Variants in CIP2A observed in about 807,000 individuals in gnomAD.
CIP2A encodes protein CIP2A.
CIP2A carries 103 observed loss-of-function variants against 110.9 expected under a neutral mutation model. The ratio of observed to expected loss-of-function variants is 0.93; its 90% confidence interval spans 0.79 to 1.09. The LOEUF (loss-of-function observed/expected upper bound fraction) is 1.09, where lower values mean the gene tolerates loss of function less well. Among genes scored for constraint, CIP2A ranks in the 50% least tolerant of loss-of-function variants. The pLI, the probability that CIP2A is intolerant of heterozygous loss-of-function variation, is 0.00. For missense variants in CIP2A, 1,088 were observed against 1,038.4 expected, an observed-to-expected ratio of 1.05 and a Z score of -0.66; for synonymous variants, 381 against 361.6, an observed-to-expected ratio of 1.05 and a Z score of -0.61.
intron 2 of CIP2A, among the ~76,000 whole-genome samples, chr3:108,583,638 G>A (rs1333321897): frequency 6.6e-6 from 1 of 152,062 alleles, no homozygotes; most frequent in African/African-American, 2.4e-5. Context: ...CCGTTAGTGG[G>A]GGAGATGAAG....
chr3:108,569,484 G>T lies in CIP2A; in HGVS notation c.1018C>A (p.Pro340Thr). Residue 340 changes from proline to threonine, a missense_variant, in exon 9 of 21, where the codon CCT becomes ACT. By Grantham distance (38) the Pro-to-Thr change is conservative. Transcript: ENST00000295746. ...AACCAGCGCAGTAGAGCCACAGTAGGTTCTAAACATTTAGTATGGCTTCCC... is the reference window on the plus strand; with the variant it reads ...AACCAGCGCAGTAGAGCCACAGTAGTTTCTAAACATTTAGTATGGCTTCCC... ...TLGSHTKCLE[P>T]TVALLRWLSQ... 1.2e-6 allele frequency: 2 copies of T among 1,612,786 alleles called. No individual in the cohort carries two copies. Among genetic ancestry groups the T allele is most frequent in the Non-Finnish European group, 1.7e-6 (2 of 1,179,316 alleles).
chr3:108,586,348 C>CA (rs199861836), intron 1 of CIP2A, among the ~76,000 whole-genome samples: 5,532 of 152,192 alleles, frequency 0.036, 331 homozygotes, highest in African/African-American at 0.12. Context: ...ATACTGTGGG[C>CA]ATTACCCTGT....
At position 108,552,369 on chromosome 3, in the gene CIP2A, C is replaced by T; in HGVS notation, c.2412G>A (p.Leu804=). 1 of 1,516,902 alleles carries T rather than the reference C, an allele frequency of 6.6e-7. No individual in the cohort carries two copies. The highest frequency in any genetic ancestry group is 8.9e-7 in the Non-Finnish European group (1 of 1,126,342). 94.0% of individuals were successfully genotyped at this position (1,516,902 alleles called of 1,614,324 possible). A position where few individuals can be genotyped will look rare whatever the true frequency, so the allele number is the denominator to read the frequency against. The stretch of plus-strand genomic sequence containing the variant: ...CTTCTTGTACTTTTGTTTTTTGATG[C>T]AAATCTTAAAAGAAAAAAAAGTCAA... The part of the protein sequence containing the change: ...LVDREHKLAN[L]HQKTKVQEEK... Residue 804 remains leucine, a synonymous_variant, in exon 20 of 21, where the codon TTG becomes TTA. Transcript: ENST00000295746.
At chr3:108,560,524 T>A (rs1937969286) in intron 14 of CIP2A, 125 bp downstream of exon 14, 1 of 633,414 alleles carries the variant, frequency 1.6e-6, no homozygotes, top group African/African-American at 1.9e-5. Context: ...TCCAGAATAT[T>A]GTTATTTCTT....
intron 1 of CIP2A, among the ~76,000 whole-genome samples, chr3:108,588,012 A>G (rs968329814): frequency 2.6e-5 from 4 of 152,150 alleles, no homozygotes; most frequent in African/African-American, 7.2e-5. Flanking sequence ...TCCCGACCTC[A>G]GGTGATCCGC....
intron 19 of CIP2A, 95 bp downstream of exon 19, chr3:108,553,553 C>A: frequency 7.4e-6 from 8 of 1,075,862 alleles, no homozygotes; most frequent in East Asian, 2.8e-5. Context: ...AAGTTTAAAA[C>A]AATAAGTAGA....
intron 17 of CIP2A, 99 bp from the exon 18 acceptor site, chr3:108,554,588 A>C: frequency 3.4e-6 from 2 of 585,996 alleles, no homozygotes; most frequent in East Asian, 6.0e-5. Flanking sequence ...TTCTAACCAA[A>C]TTGCATATGC....
chr3:108,567,793 C>T (rs764170506), intron 10 of CIP2A, among the ~76,000 whole-genome samples: 9 of 151,718 alleles, frequency 5.9e-5, no homozygotes, highest in East Asian at 1.9e-4. Flanking sequence ...ACTGATCGTC[C>T]GTCCAGGGGA....
intron 8 of CIP2A, among the ~76,000 whole-genome samples, chr3:108,571,290 AAT>A (rs1237363479): frequency 2.0e-5 from 3 of 152,196 alleles, no homozygotes; most frequent in African/African-American, 4.8e-5. Context: ...ATACAATCTT[AAT>A]ATGTGTTATA....
chr3:108,579,655 T>C lies in CIP2A; in HGVS notation c.583A>G (p.Thr195Ala), dbSNP rs1332866582. 1.3e-6 allele frequency: 2 copies of C among 1,588,354 alleles called. No individual in the cohort carries two copies. The highest frequency in any genetic ancestry group is 2.7e-5 in the African/African-American group (2 of 73,702). ...NVKSFYRTLI[T>A]LLAHSSLTVV... Reference sequence around the variant, plus strand: ...GTTAAACTACTATGGGCCAACAAGGTGATAAGAGTTCGATAAAAAGATTTC... The same window carrying C: ...GTTAAACTACTATGGGCCAACAAGGCGATAAGAGTTCGATAAAAAGATTTC... The change falls in exon 6 of 21, where the codon ACC (threonine) becomes GCC (alanine). Residue 195 changes from threonine to alanine, a missense_variant. Coordinates refer to ENST00000295746, the MANE Select transcript of CIP2A (RefSeq NM_020890.3).
intron 12 of CIP2A, among the ~76,000 whole-genome samples, chr3:108,565,021 C>A (rs1395674927): frequency 1.3e-5 from 2 of 151,732 alleles, no homozygotes; most frequent in East Asian, 3.9e-4. Context: ...AACAAAAACC[C>A]TAAAACAAAT....
intron 16 of CIP2A, among the ~76,000 whole-genome samples, chr3:108,559,257 GTTC>G (rs1050069400): frequency 2.5e-4 from 38 of 152,230 alleles, no homozygotes; most frequent in African/African-American, 9.1e-4. Flanking sequence ...GATTTCCAGG[GTTC>G]TTATTTGTAG....
chr3:108,576,236 TA>T (rs2107357226), intron 8 of CIP2A, 34 bp downstream of exon 8: 1 of 1,378,238 alleles, frequency 7.3e-7, no homozygotes, highest in East Asian at 2.5e-5. Flanking sequence ...TTGCAGTTTT[TA>T]AAAGTTTAAA....
intron 7 of CIP2A, among the ~76,000 whole-genome samples, chr3:108,578,695 A>G (rs1358191472): frequency 6.6e-6 from 1 of 152,198 alleles, no homozygotes; most frequent in African/African-American, 2.4e-5. Context: ...TTTAAGTTAG[A>G]ATGCACAAAG....
At chr3:108,559,902 G>A (rs1179198075) in intron 15 of CIP2A, 35 bp from the exon 16 acceptor site, 1 of 1,579,234 alleles carries the variant, frequency 6.3e-7, no homozygotes, top group Non-Finnish European at 8.7e-7. Context: ...TTCATTTTAG[G>A]AATACATCTA....
rs199536917 is a variant in CIP2A at position 108,563,237 on chromosome 3, C to T, written c.1523G>A (p.Arg508His). The T allele has an allele frequency of 6.4e-5, 103 of 1,600,664 alleles. No individual in the cohort carries two copies. Among genetic ancestry groups the T allele is most frequent in the South Asian group, 2.9e-4 (26 of 90,712 alleles). ...AGCAAAAGCCAAAGGAGTAATCAAACGTGGGTCCTAAATAAATCAGAAACC... is the reference window on the plus strand; with the variant it reads ...AGCAAAAGCCAAAGGAGTAATCAAATGTGGGTCCTAAATAAATCAGAAACC... ...VSFYKILQDP[R>H]LITPLAFALT... The change falls in exon 13 of 21, where the codon CGT becomes CAT. Residue 508 changes from arginine to histidine, a missense_variant. Transcript: ENST00000295746.
At chr3:108,559,145 T>C (rs1937912226) in intron 16 of CIP2A, among the ~76,000 whole-genome samples, 1 of 152,092 alleles carries the variant, frequency 6.6e-6, no homozygotes, top group Non-Finnish European at 1.5e-5. Context: ...GGATCCAGCC[T>C]ATAACAAATA....
chr3:108,577,870 G>T (rs777828491), intron 7 of CIP2A, among the ~76,000 whole-genome samples: 2 of 152,170 alleles, frequency 1.3e-5, no homozygotes, highest in Non-Finnish European at 2.9e-5. Context: ...CTGCACTCCA[G>T]CCTGGGCAAT....
At chr3:108,585,244 A>G in intron 1 of CIP2A, 32 bp from the exon 2 acceptor site, 1 of 1,551,890 alleles carries the variant, frequency 6.4e-7, no homozygotes, top group East Asian at 2.3e-5. Flanking sequence ...GTGTTGGTTA[A>G]GCGATGGCAA....
Sources: gnomAD v4.1 joint callset for allele counts (sites outside exome capture counted in the v4.1 genomes callset) on GRCh38, gnomAD v4.1.1 for gene constraint, MANE v1.5 for transcripts, NCBI Gene and HGNC (gene_info 2026-07-23, HGNC 2026-07-21) for gene names.